The following DISP2 variants were observed in gnomAD, a reference collection of about 807,000 sequenced individuals.
DISP2 encodes protein dispatched homolog 2.
In DISP2, 59 loss-of-function variants were observed where a neutral mutation model predicts 95.5. That is an observed-to-expected ratio of 0.62 (90% CI 0.50 to 0.77). The LOEUF (loss-of-function observed/expected upper bound fraction) is 0.77, where lower values mean the gene tolerates loss of function less well. DISP2 is among the 30% of genes least tolerant of loss of function. The probability of loss-of-function intolerance (pLI) is 0.00; values close to 1 mark genes in which losing one functional copy is unlikely to be tolerated. For synonymous variants in DISP2, 827 were observed against 815.0 expected, an observed-to-expected ratio of 1.01 and a Z score of -0.25; for missense variants, 1,752 against 1,854.6, an observed-to-expected ratio of 0.94 and a Z score of 1.02.
chr15:40,373,786 A>G lies in DISP2; in HGVS notation c.*3468A>G, dbSNP rs959235013. ...TTTGGGAGGCCAAGGCAGGTGGATC[A>G]TGAGGTCAGGAGATCGAAACCATCC... On this transcript the variant is annotated 3_prime_UTR_variant, in exon 8 of 8. Transcript: ENST00000267889. 2.0e-5 allele frequency: 3 copies of G among 151,918 alleles called. No homozygotes were observed. In the South Asian group the frequency reaches 6.2e-4, roughly 32 times the overall value. 9.4% of individuals were successfully genotyped at this position (151,918 alleles called of 1,614,324 possible).
At chr15:40,364,281 C>G in intron 3 of DISP2, 26 bp downstream of exon 3, 1 of 1,614,126 alleles carries the variant, frequency 6.2e-7, no homozygotes. Context: ...CCCTGGACCT[C>G]TAGGGGTGAC....
chr15:40,364,006 CT>C (rs1889452388), intron 2 of DISP2, 52 bp downstream of exon 2: 1 of 1,510,984 alleles, frequency 6.6e-7, no homozygotes, highest in Admixed American at 2.1e-5. Context: ...TGCGGTGGGG[CT>C]TAAGAGTGGG....
At position 40,358,244 on chromosome 15, in the gene DISP2, T is replaced by TGCCGCCGCC. The variant is rs1555399509; in HGVS notation, c.-77_-69dup. On this transcript the variant is annotated 5_prime_UTR_variant, in exon 1 of 8. Coordinates refer to ENST00000267889, the MANE Select transcript of DISP2 (RefSeq NM_033510.3). ...ATGCGCACGAGCACCCCGCCGCCGC[T>TGCCGCCGCC]GCCGCCGCCACCGCCGCCGCCGCCG... is the stretch of plus-strand genomic sequence containing the variant. 33 of 779,810 alleles carry TGCCGCCGCC rather than the reference T, an allele frequency of 4.2e-5. No individual in the cohort carries two copies. The highest frequency in any genetic ancestry group is 6.0e-5 in the African/African-American group (3 of 49,726). 48.3% of individuals were successfully genotyped at this position (779,810 alleles called of 1,614,324 possible). A position where few individuals can be genotyped will look rare whatever the true frequency, so the allele number is the denominator to read the frequency against.
chr15:40,363,982 C>T, intron 2 of DISP2, 28 bp downstream of exon 2: 1 of 1,514,556 alleles, frequency 6.6e-7, no homozygotes. Flanking sequence ...AGCCTGCCAG[C>T]TGCCACTGGA....
chr15:40,363,792 C>T lies in DISP2; in HGVS notation c.287C>T (p.Pro96Leu). Residue 96 changes from proline to leucine, a missense_variant, in exon 2 of 8, where the codon CCC becomes CTC. Pro to Leu is a moderately conservative substitution (Grantham distance 98, BLOSUM62 -3). Coordinates refer to ENST00000267889, the MANE Select transcript of DISP2 (RefSeq NM_033510.3). The part of the protein sequence containing the change: ...SPLAPAHFTY[P>L]RALQEYQGGS... ...TTGGCCCCTGCCCACTTCACCTATC[C>T]CCGGGCACTGCAGGAATACCAGGGG... 2 of 1,613,266 alleles carry T rather than the reference C, an allele frequency of 1.2e-6. No individual in the cohort carries two copies. Among genetic ancestry groups the T allele is most frequent in the Non-Finnish European group, 1.7e-6 (2 of 1,179,454 alleles).
At chr15:40,363,471 T>A (rs530125687) in intron 1 of DISP2, among the ~76,000 whole-genome samples, 154 bp from the exon 2 acceptor site, 1 of 152,168 alleles carries the variant, frequency 6.6e-6, no homozygotes, top group Non-Finnish European at 1.5e-5. Flanking sequence ...TTCGAGCCCC[T>A]GGCCTCCTCA....
chr15:40,377,627 A>T lies in DISP2; in HGVS notation c.*7309A>T, dbSNP rs921974303. 3.9e-5 allele frequency: 6 copies of T among 152,414 alleles called. No homozygotes were observed. Among genetic ancestry groups the T allele is most frequent in the African/African-American group, 1.4e-4 (6 of 41,476 alleles). 9.4% of individuals were successfully genotyped at this position (152,414 alleles called of 1,614,324 possible). On this transcript the variant is annotated 3_prime_UTR_variant, in exon 8 of 8. Transcript: ENST00000267889. ...GATAGCTGGGAGTGTGGAGCAGCCA[A>T]GCTGGCTAGAGTGCTCAGGACAGGG...
chr15:40,370,074 A>C lies in DISP2; in HGVS notation c.3962A>C (p.Asp1321Ala). 6.2e-7 allele frequency: 1 copy of C among 1,613,642 alleles called. No homozygotes were observed. The highest frequency in any genetic ancestry group is 1.3e-5 in the African/African-American group (1 of 75,040). ...GTGGGTGTGTCCCCAGATGACCTGGATGACACTGGGCAGCCAGTCCTTGAG... is the reference window on the plus strand; with the variant it reads ...GTGGGTGTGTCCCCAGATGACCTGGCTGACACTGGGCAGCCAGTCCTTGAG... ...DSVGVSPDDL[D>A]DTGQPVLERG... is the part of the protein sequence containing the mutation. The change falls in exon 8 of 8, where the codon GAT (aspartate) becomes GCT (alanine). Residue 1321 changes from aspartate (D) to alanine (A), a missense_variant. Coordinates refer to ENST00000267889, the MANE Select transcript of DISP2 (RefSeq NM_033510.3).
At position 40,369,623 on chromosome 15, in the gene DISP2, C is replaced by T. The variant is rs770536436; in HGVS notation, c.3511C>T (p.Arg1171Cys). 3 of 1,611,330 alleles carry T rather than the reference C, an allele frequency of 1.9e-6. No individual in the cohort carries two copies. The highest frequency in any genetic ancestry group is 1.7e-5 in the Admixed American group (1 of 59,996). Residue 1171 changes from arginine (R) to cysteine (C), a missense_variant, in exon 8 of 8, where the codon CGT becomes TGT. Physicochemically the swap from Arg to Cys is radical, Grantham distance 180. Around this residue, in one of 5 missense-constraint regions of DISP2, gnomAD observed 347 missense variants for 344.2 expected, o/e 1.01. Coordinates refer to ENST00000267889, the MANE Select transcript of DISP2 (RefSeq NM_033510.3). ...EQYELQPLAR[R>C]RSPSFDTSTA... is the part of the protein sequence containing the mutation. ...ATATGAGCTACAGCCCCTGGCACGG[C>T]GTCGGAGCCCCAGCTTTGACACCAG...
At position 40,370,347 on chromosome 15, in the gene DISP2, CG is replaced by C; in HGVS notation, c.*31del. ...GGACCCGGGGAGGCTGGACAGGGCG[CG>C]GAACCCTGTCATGGATGACAAGGCA... On this transcript the variant is annotated 3_prime_UTR_variant, in exon 8 of 8. Transcript: ENST00000267889. 6.6e-7 allele frequency: 1 copy of C among 1,513,018 alleles called. No individual in the cohort carries two copies. Among genetic ancestry groups the C allele is most frequent in the African/African-American group, 1.4e-5 (1 of 72,022 alleles). 93.7% of individuals were successfully genotyped at this position (1,513,018 alleles called of 1,614,324 possible).
intron 1 of DISP2, among the ~76,000 whole-genome samples, chr15:40,362,575 A>G (rs186622265): frequency 6.6e-6 from 1 of 152,094 alleles, no homozygotes; most frequent in East Asian, 1.9e-4. Context: ...CATGAAAGAT[A>G]GGCAATAAAC....
intron 1 of DISP2, 111 bp downstream of exon 1, chr15:40,358,551 C>T (rs1226892002): frequency 4.7e-6 from 4 of 845,450 alleles, no homozygotes; most frequent in East Asian, 6.8e-5. Flanking sequence ...CAGACCCTCC[C>T]GGAGCCCCTT....
At chr15:40,359,697 G>A (rs1404899696) in intron 1 of DISP2, among the ~76,000 whole-genome samples, 2 of 152,182 alleles carry the variant, frequency 1.3e-5, no homozygotes, top group Admixed American at 6.5e-5. Context: ...AAACTCCCTG[G>A]GGCCTCTGGC....
Position 40,370,587 on chromosome 15 carries a change from G to C in DISP2, c.*269G>C, listed in dbSNP as rs1282600974. ...TGTCTGCTCCCACAGCACCATCTAA[G>C]ACCCCTCCTCTAGAAGTGGGGAAGG... On this transcript the variant is annotated 3_prime_UTR_variant, in exon 8 of 8. Coordinates refer to ENST00000267889, the MANE Select transcript of DISP2 (RefSeq NM_033510.3). The C allele has an allele frequency of 3.0e-6, 2 of 667,294 alleles. No homozygotes were observed. The highest frequency in any genetic ancestry group is 2.1e-5 in the Admixed American group (1 of 48,322). 41.3% of individuals were successfully genotyped at this position (667,294 alleles called of 1,614,324 possible).
At position 40,369,505 on chromosome 15, in the gene DISP2, A is replaced by G. The variant is rs757724137; in HGVS notation, c.3393A>G (p.Pro1131=). 2 of 1,613,138 alleles carry G rather than the reference A, an allele frequency of 1.2e-6. No homozygotes were observed. The highest frequency in any genetic ancestry group is 4.5e-5 in the East Asian group (2 of 44,890). The stretch of plus-strand genomic sequence containing the variant: ...TCCTCTGGCCCTGTGCCCACCTGCC[A>G]TGGGATGCTGGTACTGGGGACCCTG... The part of the protein sequence containing the change: ...GQILWPCAHL[P]WDAGTGDPGG... Residue 1131 remains proline, a synonymous_variant, in exon 8 of 8, where the codon CCA becomes CCG. Coordinates refer to ENST00000267889, the MANE Select transcript of DISP2 (RefSeq NM_033510.3).
In DISP2 at chr15:40,367,765, G is replaced by A. The variant is rs141528154; in HGVS notation, c.1653G>A (p.Leu551=). The A allele has an allele frequency of 1.2e-6, 2 of 1,610,786 alleles. No homozygotes were observed. The highest frequency in any genetic ancestry group is 2.7e-5 in the African/African-American group (2 of 74,930). The change falls in exon 8 of 8, where the codon CTG becomes CTA. Residue 551 remains leucine (L), a synonymous_variant. Coordinates refer to ENST00000267889, the MANE Select transcript of DISP2 (RefSeq NM_033510.3). The part of the protein sequence containing the change: ...PFVNLAALLL[L]SSVCANHTLI... ...TCAATCTGGCAGCCCTCCTCCTGCTGAGCAGCGTCTGCGCCAACCACACGC... is the reference window on the plus strand; with the variant it reads ...TCAATCTGGCAGCCCTCCTCCTGCTAAGCAGCGTCTGCGCCAACCACACGC...
rs963057529 is a variant in DISP2 at position 40,373,589 on chromosome 15, A to G, written c.*3271A>G. ...CGTGGTGGGGGATGCCTGTAGTCCT[A>G]GCTACCCAGGAGGCTGAGGCAGGAA... On this transcript the variant is annotated 3_prime_UTR_variant, in exon 8 of 8. Transcript: ENST00000267889. 1.3e-5 allele frequency: 2 copies of G among 152,186 alleles called. No homozygotes were observed. Among genetic ancestry groups the G allele is most frequent in the Non-Finnish European group, 2.9e-5 (2 of 68,044 alleles). The allele number at this position is 152,186 out of a possible 1,614,324, so 9.4% of individuals were successfully genotyped here.
chr15:40,369,946 T>C lies in DISP2; in HGVS notation c.3834T>C (p.Pro1278=). ...CTCCTAAGGCCAAGGCTGCAGATCC[T>C]CCTGATGGCTTCTGTTCCTCAGCCA... ...AHSPKAKAAD[P]PDGFCSSAST... is the part of the protein sequence containing the mutation. The change falls in exon 8 of 8, where the codon CCT becomes CCC. Residue 1278 remains proline (P), a synonymous_variant. Transcript: ENST00000267889. 6.2e-7 allele frequency: 1 copy of C among 1,606,264 alleles called. No homozygotes were observed. Among genetic ancestry groups the C allele is most frequent in the East Asian group, 2.2e-5 (1 of 44,770 alleles).
Position 40,375,828 on chromosome 15 carries a change from A to G in DISP2, c.*5510A>G, listed in dbSNP as rs1419284730. 1 of 152,292 alleles carries G rather than the reference A, an allele frequency of 6.6e-6. No homozygotes were observed. The highest frequency in any genetic ancestry group is 2.4e-5 in the African/African-American group (1 of 41,460). The allele number at this position is 152,292 out of a possible 1,614,324, so 9.4% of individuals were successfully genotyped here. ...ATCAGTTTCCAGAGCCGCCTTCTCCATATGTTCCCCTCCTTATATTGGTGG... is the reference window on the plus strand; with the variant it reads ...ATCAGTTTCCAGAGCCGCCTTCTCCGTATGTTCCCCTCCTTATATTGGTGG... On this transcript the variant is annotated 3_prime_UTR_variant, in exon 8 of 8. Coordinates refer to ENST00000267889, the MANE Select transcript of DISP2 (RefSeq NM_033510.3).
Sources: gnomAD v4.1 joint callset for allele counts (sites outside exome capture counted in the v4.1 genomes callset) on GRCh38, gnomAD v4.1.1 for gene constraint, gnomAD v4.1.1 regional missense constraint, MANE v1.5 for transcripts, NCBI Gene and HGNC (gene_info 2026-07-23, HGNC 2026-07-21) for gene names.